LYST: variants seen among roughly 807,000 people sequenced by gnomAD.
LYST encodes the protein lysosomal trafficking regulator, also known as lysosomal-trafficking regulator.
A neutral mutation model predicts 413.6 loss-of-function variants in LYST; 192 were observed. That is an observed-to-expected ratio of 0.46 (90% confidence interval 0.41 to 0.52). The LOEUF is 0.52. Among genes scored for constraint, LYST ranks in the 20% least tolerant of loss-of-function variants. The pLI is 0.00. For synonymous variants in LYST, 1,525 were observed against 1,567.3 expected (o/e 0.97, Z 0.64); for missense variants, 3,815 against 4,499.9 (o/e 0.85, Z 4.35).
chr1:235,760,614 G>A (rs1399851696), intron 22 of LYST, among the ~76,000 whole-genome samples: 1 of 152,152 alleles, frequency 6.6e-6, no homozygotes, highest in African/African-American at 2.4e-5. Context: ...ACATTCTCAG[G>A]CTCCACCCTA....
chr1:235,874,200 C>G (rs1166656851), intron 1 of LYST, among the ~76,000 whole-genome samples: 1 of 152,204 alleles, frequency 6.6e-6, no homozygotes, highest in Non-Finnish European at 1.5e-5. Context: ...AAAAAAATGT[C>G]TCCAACTCTA....
At chr1:235,715,526 G>A (rs915067716) in intron 41 of LYST, among the ~76,000 whole-genome samples, 169 bp from the exon 42 acceptor site, 3 of 151,872 alleles carry the variant, frequency 2.0e-5, no homozygotes, top group Non-Finnish European at 2.9e-5. Context: ...TGAGTGTCTG[G>A]GAGTCTTCTC....
chr1:235,829,255 T>C (rs1405294791), intron 3 of LYST, among the ~76,000 whole-genome samples: 2 of 152,172 alleles, frequency 1.3e-5, no homozygotes, highest in Non-Finnish European at 2.9e-5. Context: ...GACAAGTAAA[T>C]GCTTCCTAAT....
intron 31 of LYST, among the ~76,000 whole-genome samples, chr1:235,740,318 G>A (rs1023093393): frequency 6.6e-6 from 1 of 152,044 alleles, no homozygotes; most frequent in Admixed American, 6.5e-5. Flanking sequence ...GTTTCTATGA[G>A]TTTTGACAAT....
Position 235,809,504 on chromosome 1 carries a change from C to T in LYST, c.1314G>A (p.Gln438=), listed in dbSNP as rs1433222560. The T allele has an allele frequency of 3.1e-6, 5 of 1,614,026 alleles. No homozygotes were observed. The highest frequency in any genetic ancestry group is 4.2e-6 in the Non-Finnish European group (5 of 1,179,950). ...QAMDLVQEFI[Q]HHGFNLFETA... Reference sequence around the variant, plus strand: ...TTTCAAATAAATTAAATCCATGATGCTGAATGAATTCTTGAACCAAATCCA... The same window carrying T: ...TTTCAAATAAATTAAATCCATGATGTTGAATGAATTCTTGAACCAAATCCA... Residue 438 remains glutamine (Q), a synonymous_variant, in exon 5 of 53, where the codon CAG becomes CAA. Coordinates refer to ENST00000389793, the MANE Select transcript of LYST (RefSeq NM_000081.4). The surrounding 1 kb of genome is among the most constrained non-coding windows in gnomAD (Gnocchi z 4.0).
At position 235,734,651 on chromosome 1, in the gene LYST, G is replaced by A; in HGVS notation, c.8367C>T (p.Ala2789=). 6.2e-7 allele frequency: 1 copy of A among 1,602,692 alleles called. No homozygotes were observed. The highest frequency in any genetic ancestry group is 8.5e-7 in the Non-Finnish European group (1 of 1,173,894). Reference sequence around the variant, plus strand: ...ACTCTGACAAATACAAAACTAACTTGGCTCCATGCTTTAAAAAAAGTAATA... The same window carrying A: ...ACTCTGACAAATACAAAACTAACTTAGCTCCATGCTTTAAAAAAAGTAATA... ...DCLSPSLQHG[A]KLVLYLSELI... The change falls in exon 32 of 53, where the codon GCC becomes GCT. Residue 2789 remains alanine (A), a synonymous_variant. Transcript: ENST00000389793.
intron 20 of LYST, among the ~76,000 whole-genome samples, chr1:235,768,198 C>CT (rs1250725577): frequency 2.0e-5 from 3 of 151,796 alleles, no homozygotes; most frequent in East Asian, 1.9e-4. Context: ...TACAAGGTTG[C>CT]TTTTTTTTCT....
In LYST at chr1:235,687,011, G is replaced by C; in HGVS notation, c.10738C>G (p.Leu3580Val). 1 of 1,613,988 alleles carries C rather than the reference G, an allele frequency of 6.2e-7. No individual in the cohort carries two copies. The change falls in exon 48 of 53, where the codon CTG (leucine) becomes GTG (valine). Residue 3580 changes from leucine to valine, a missense_variant. This residue lies in a region of LYST where 866 missense variants were observed against 1,156.0 expected (regional missense o/e 0.75). Coordinates refer to ENST00000389793, the MANE Select transcript of LYST (RefSeq NM_000081.4). ...ACACCGCATTTGCTTCCAGTAAACAGCTGGCAACTGTCAGGCACCCAAGCA... is the reference window on the plus strand; with the variant it reads ...ACACCGCATTTGCTTCCAGTAAACACCTGGCAACTGTCAGGCACCCAAGCA... ...SCAWVPDSCQ[L>V]FTGSKCGVIT...
chr1:235,673,405 C>A (rs1659118875), intron 50 of LYST, among the ~76,000 whole-genome samples: 1 of 152,230 alleles, frequency 6.6e-6, no homozygotes, highest in South Asian at 2.1e-4. Flanking sequence ...CACTACCGCC[C>A]CCTTATCCCG....
intron 50 of LYST, among the ~76,000 whole-genome samples, chr1:235,672,171 T>C (rs1345302116): frequency 6.6e-6 from 1 of 152,232 alleles, no homozygotes; most frequent in Non-Finnish European, 1.5e-5. Flanking sequence ...AGTTTTGTTT[T>C]GGCTGTGTTA....
At chr1:235,849,402 C>A (rs192741849) in intron 1 of LYST, among the ~76,000 whole-genome samples, 22 of 152,188 alleles carry the variant, frequency 1.4e-4, no homozygotes, top group African/African-American at 5.3e-4. Context: ...AAACCCACAG[C>A]CAACATAATA....
At chr1:235,756,504 T>A (rs1667063331) in intron 24 of LYST, among the ~76,000 whole-genome samples, 1 of 152,112 alleles carries the variant, frequency 6.6e-6, no homozygotes, top group African/African-American at 2.4e-5. Flanking sequence ...GCTCAGGGAC[T>A]TACACATGAA....
chr1:235,727,231 G>A (rs2489156), intron 38 of LYST, among the ~76,000 whole-genome samples: 1 of 150,768 alleles, frequency 6.6e-6, no homozygotes, highest in Non-Finnish European at 1.5e-5. Flanking sequence ...CAAGCGATTC[G>A]CCTGCCTCAG....
intron 31 of LYST, chr1:235,737,766 A>T (rs960531592): frequency 9.0e-6 from 3 of 334,072 alleles, no homozygotes; most frequent in Admixed American, 1.2e-4. Flanking sequence ...ACACTCCAAA[A>T]ATAAAAACAA....
Position 235,805,963 on chromosome 1 carries a change from C to T in LYST, c.3173G>A (p.Ser1058Asn), listed in dbSNP as rs1395369517. 1.9e-6 allele frequency: 3 copies of T among 1,613,664 alleles called. No individual in the cohort carries two copies. The African/African-American group carries it at 4.0e-5, about 22-fold the overall frequency. Residue 1058 changes from serine to asparagine, a missense_variant, in exon 6 of 53, where the codon AGT (serine) becomes AAT (asparagine). By Grantham distance (46) the Ser-to-Asn change is conservative (BLOSUM62 1). Transcript: ENST00000389793. ...IPSELGSLKKSADSLGKLELQ... is the reference protein window; with the variant it reads ...IPSELGSLKKNADSLGKLELQ... The stretch of plus-strand genomic sequence containing the variant: ...CTCTAATTTACCTAAACTGTCAGCA[C>T]TCTTTTTTAGACTACCTAGTTCTGA...
At chr1:235,775,363 A>C (rs866393647) in intron 17 of LYST, among the ~76,000 whole-genome samples, 3 of 152,206 alleles carry the variant, frequency 2.0e-5, no homozygotes, top group African/African-American at 7.2e-5. Context: ...AAGTGTCATA[A>C]GTTTTTGATA....
chr1:235,776,454 TTTAA>T (rs1669243847), intron 17 of LYST, among the ~76,000 whole-genome samples: 1 of 152,184 alleles, frequency 6.6e-6, no homozygotes, highest in African/African-American at 2.4e-5. Flanking sequence ...TCAAAGCTGC[TTTAA>T]TTAAACAGGG....
chr1:235,878,888 AT>A lies in LYST; in HGVS notation n.454+4298del, dbSNP rs900635824. On this transcript the variant is annotated intron_variant and non_coding_transcript_variant, in intron 1 of 11. Coordinates refer to the LYST transcript ENST00000465349. ...CAGTTCTTTGCACATTAGTATTTAAATTTTTTTTTTACAGATTTAGGGGTGC... is the reference window on the plus strand; with the variant it reads ...CAGTTCTTTGCACATTAGTATTTAAATTTTTTTTTACAGATTTAGGGGTGC... Among the ~76,000 whole-genome samples the A allele has an allele frequency of 2.6e-4, 39 of 150,694 alleles. 1 individual carries two copies. The highest frequency in any genetic ancestry group is 5.3e-4 in the African/African-American group (22 of 41,124).
At chr1:235,773,735 G>A in intron 19 of LYST, 107 bp downstream of exon 19, 3 of 862,396 alleles carry the variant, frequency 3.5e-6, no homozygotes, top group Admixed American at 2.0e-5. Context: ...CACTGTAAAT[G>A]CACTTAATGC....
Sources: allele counts gnomAD v4.1 joint callset (sites outside exome capture counted in the v4.1 genomes callset), GRCh38; gene constraint gnomAD v4.1.1; regional missense constraint gnomAD v4.1.1; non-coding constraint Gnocchi (gnomAD v3.1); transcripts MANE v1.5; gene names NCBI Gene and HGNC (gene_info 2026-07-23, HGNC 2026-07-21).